Variants in PACRG observed in about 807,000 individuals in gnomAD.
PACRG encodes the protein parkin coregulated.
In PACRG, 29 loss-of-function variants were observed where a neutral mutation model predicts 29.7. That is an observed-to-expected ratio of 0.98 (90% CI 0.73 to 1.33). PACRG has a LOEUF of 1.33. PACRG is among the 40% of genes most tolerant of loss of function. PACRG has a pLI of 0.00. For missense variants in PACRG, 279 were observed against 316.2 expected (o/e 0.88, Z 0.89); for synonymous variants, 116 against 118.7 (o/e 0.98, Z 0.15).
intron 2 of PACRG, among the ~76,000 whole-genome samples, chr6:162,884,766 T>C (rs1274588947): frequency 7.9e-5 from 12 of 152,178 alleles, no homozygotes; most frequent in Admixed American, 7.9e-4. Context: ...TGTATGGTGG[T>C]TGGCATTTAT....
chr6:163,101,169 A>G (rs1815065416), intron 4 of PACRG: 1 of 984,686 alleles, frequency 1.0e-6, no homozygotes, highest in South Asian at 4.7e-5. Context: ...CCCCCCAAAA[A>G]ACCCTACATT....
At chr6:162,734,244 T>A (rs968116845) in intron 1 of PACRG, among the ~76,000 whole-genome samples, 2 of 149,068 alleles carry the variant, frequency 1.3e-5, no homozygotes, top group African/African-American at 2.5e-5. Context: ...AAAGTTAAAG[T>A]GGTTTGGCTT....
intron 4 of PACRG, among the ~76,000 whole-genome samples, chr6:163,205,055 A>G (rs1562315175): frequency 6.6e-6 from 1 of 152,232 alleles, no homozygotes; most frequent in Admixed American, 6.5e-5. Context: ...AGACTGCTCA[A>G]AGAAATCAGA....
chr6:163,238,292 C>T (rs1271651647), intron 4 of PACRG, among the ~76,000 whole-genome samples: 5 of 152,026 alleles, frequency 3.3e-5, no homozygotes, highest in Admixed American at 1.3e-4. Flanking sequence ...AAAGAGGGAG[C>T]AATGGAGACT....
At chr6:162,947,593 A>AC (rs1491323424) in intron 2 of PACRG, among the ~76,000 whole-genome samples, 2,274 of 52,776 alleles carry the variant, frequency 0.043, 180 homozygotes, top group African/African-American at 0.14. Context: ...CATATATATA[A>AC]TCATATATAT....
intron 2 of PACRG, chr6:162,997,275 A>G: frequency 6.5e-6 from 2 of 307,904 alleles, no homozygotes; most frequent in Non-Finnish European, 1.3e-5. Flanking sequence ...TGTTGTGCTG[A>G]CTATAATTGG....
chr6:163,123,825 AT>A lies in PACRG; in HGVS notation c.613+34420del, dbSNP rs748916130. 7.9e-5 allele frequency among the ~76,000 whole-genome samples: 12 copies of A among 152,280 alleles called. No individual in the cohort carries two copies. The East Asian group carries it at 9.7e-4, about 12-fold the overall frequency. ...TGTCCGTGTTGTCACAAATGGTAGT[AT>A]TTCCTTCTTTTTAAAGCCAGGATAG... On this transcript the variant is annotated intron_variant, in intron 4 of 4. Transcript: ENST00000366888.
chr6:163,269,857 GA>G lies in PACRG; in HGVS notation c.614-44969del, dbSNP rs1562349452. The stretch of plus-strand genomic sequence containing the variant: ...AAAGAAAAAGAAAGAAAGAAAGAAA[GA>G]GAAAGAAAGAGAAAGAAAGAAAGAA... On this transcript the variant is annotated intron_variant, in intron 4 of 4. Transcript: ENST00000366888. Among the ~76,000 whole-genome samples the G allele has an allele frequency of 2.0e-3, 113 of 56,536 alleles. 9 individuals carry two copies. The highest frequency in any genetic ancestry group is 9.1e-3 in the African/African-American group (106 of 11,644). The allele number at this position is 56,536 out of a possible 152,430, so 37.1% of individuals were successfully genotyped here.
chr6:163,172,495 C>CACAT (rs1562949078), intron 4 of PACRG, among the ~76,000 whole-genome samples: 2 of 152,072 alleles, frequency 1.3e-5, no homozygotes, highest in African/African-American at 2.4e-5. Context: ...CACACACACA[C>CACAT]GCATGCATGC....
chr6:163,200,896 G>A (rs1299144607), intron 4 of PACRG, among the ~76,000 whole-genome samples: 3 of 152,174 alleles, frequency 2.0e-5, no homozygotes, highest in Non-Finnish European at 4.4e-5. Flanking sequence ...CTGCACCACC[G>A]GCATTCCTGG....
upstream of PACRG, chr6:162,727,950 A>G (rs1046186030): frequency 3.4e-6 from 2 of 594,286 alleles, no homozygotes; most frequent in Admixed American, 6.0e-5. Context: ...GGGCGGGGCT[A>G]TGCGCCCGCC....
rs766106828 is a variant in PACRG, at chr6:163,089,333, G to A, written c.538G>A (p.Glu180Lys). The A allele has an allele frequency of 6.2e-7, 1 of 1,614,134 alleles. No homozygotes were observed. The highest frequency in any genetic ancestry group is 1.7e-5 in the Admixed American group (1 of 60,024). ...CCTCCAGCATCTGGTTGTGTCAGCT[G>A]AGATGGTGGGCAAGGCCTTGGTGCC... ...KVLQHLVVSA[E>K]MVGKALVPYY... Residue 180 changes from glutamate to lysine, a missense_variant, in exon 4 of 5, where the codon GAG becomes AAG. Physicochemically the swap from Glu to Lys is moderately conservative, Grantham distance 56. Coordinates refer to ENST00000366888, the MANE Select transcript of PACRG (RefSeq NM_001080379.2).
intron 4 of PACRG, among the ~76,000 whole-genome samples, chr6:163,239,990 ACACT>A (rs1272791009): frequency 1.4e-5 from 2 of 141,888 alleles, no homozygotes; most frequent in Non-Finnish European, 3.0e-5. Flanking sequence ...ACATACACAC[ACACT>A]CACACCCCCA....
intron 2 of PACRG, among the ~76,000 whole-genome samples, chr6:162,839,461 T>C (rs1789553667): frequency 1.4e-5 from 2 of 147,434 alleles, no homozygotes; most frequent in South Asian, 4.4e-4. Context: ...TCTTGTAAAT[T>C]TGTTTGAGTT....
chr6:162,912,946 A>T (rs1300970777), intron 2 of PACRG, among the ~76,000 whole-genome samples: 1 of 151,970 alleles, frequency 6.6e-6, no homozygotes, highest in Non-Finnish European at 1.5e-5. Context: ...ACAAAATTGG[A>T]TTGGAAAGCT....
chr6:163,262,669 C>T (rs906902619), intron 4 of PACRG, among the ~76,000 whole-genome samples: 6 of 151,994 alleles, frequency 3.9e-5, no homozygotes, highest in Non-Finnish European at 8.8e-5. Context: ...CAGACTTGCC[C>T]CATAGCTCAT....
intron 2 of PACRG, among the ~76,000 whole-genome samples, chr6:162,910,845 A>C (rs1282026390): frequency 6.6e-6 from 1 of 152,188 alleles, no homozygotes; most frequent in Non-Finnish European, 1.5e-5. Context: ...CAGAGAGCCC[A>C]CTTAGAAAGG....
chr6:163,009,283 G>A lies in PACRG; in HGVS notation c.292-52867G>A, dbSNP rs113746029. Among the ~76,000 whole-genome samples the A allele has an allele frequency of 6.8e-3, 1,032 of 152,290 alleles. 14 individuals are homozygous for A. Among genetic ancestry groups the A allele is most frequent in the African/African-American group, 0.023 (972 of 41,558 alleles). On this transcript the variant is annotated intron_variant, in intron 2 of 4. Transcript: ENST00000366888. ...GTGACCATAAATAATGAGTGGCAGA[G>A]TTAGAATAAAGTCTAAGATAGCTCA...
chr6:163,312,834 C>A, intron 4 of PACRG: 1 of 424,784 alleles, frequency 2.4e-6, no homozygotes, highest in Non-Finnish European at 4.7e-6. Context: ...CTCGTTGCAA[C>A]CTCGACCACC....
Sources: allele counts gnomAD v4.1 joint callset (sites outside exome capture counted in the v4.1 genomes callset), GRCh38; gene constraint gnomAD v4.1.1; transcripts MANE v1.5; gene names NCBI Gene and HGNC (gene_info 2026-07-23, HGNC 2026-07-21).